The following TLR10 variants were observed in gnomAD, a reference collection of about 807,000 sequenced individuals.
TLR10 encodes toll like receptor 10.
For missense variants in TLR10, 929 were observed against 932.9 expected, an observed-to-expected ratio of 1.00 and a Z score of 0.05; for synonymous variants, 288 against 338.8, an observed-to-expected ratio of 0.85 and a Z score of 1.65.
intron 1 of TLR10, among the ~76,000 whole-genome samples, chr4:38,776,688 T>C (rs1269918887): frequency 6.6e-6 from 1 of 152,194 alleles, no homozygotes; most frequent in Non-Finnish European, 1.5e-5. Context: ...TTATTCAAGA[T>C]ATTTATTAAG....
rs748442953 is a variant in TLR10, at chr4:38,773,941, T to A, written c.1650A>T (p.Ser550=). Residue 550 remains serine (S), a synonymous_variant, in exon 4 of 4, where the codon TCA becomes TCT. Coordinates refer to ENST00000308973, the MANE Select transcript of TLR10 (RefSeq NM_030956.4). The stretch of plus-strand genomic sequence containing the variant: ...GGTTTAAAGGGTATTCACAGGTGTA[T>A]GAATCTGACCATCCAACCATCATGA... ...SEVMMVGWSD[S]YTCEYPLNLR... 18 of 1,581,362 alleles carry A rather than the reference T, an allele frequency of 1.1e-5. 1 individual carries two copies. In the South Asian group the frequency reaches 2.0e-4, roughly 17 times the overall value.
chr4:38,775,303 CT>C lies in TLR10; in HGVS notation c.287del (p.Lys96ArgfsTer3). On this transcript the variant is annotated frameshift_variant, in exon 4 of 4. Coordinates refer to ENST00000308973, the MANE Select transcript of TLR10 (RefSeq NM_030956.4). LOFTEE classifies it low-confidence loss of function (END_TRUNC). ...QLDLKTFEFN[K>X]ELRYLDLSNN... ...TAGACAAATCTAAATATCTTAACTC[CT>C]TGTTGAATTCAAAGGTTTTGAGATC... The C allele has an allele frequency of 3.7e-6, 6 of 1,614,074 alleles. No individual in the cohort carries two copies. In the South Asian group the frequency reaches 6.6e-5, roughly 18 times the overall value.
At chr4:38,780,259 C>T (rs764499511) in intron 1 of TLR10, among the ~76,000 whole-genome samples, 14 of 152,104 alleles carry the variant, frequency 9.2e-5, no homozygotes, top group Non-Finnish European at 1.8e-4. Flanking sequence ...AAAAAATTAG[C>T]TGAGCGTGGT....
chr4:38,778,429 A>AATATAAAT (rs1553900916), intron 1 of TLR10, among the ~76,000 whole-genome samples: 65 of 149,132 alleles, frequency 4.4e-4, no homozygotes, highest in African/African-American at 1.6e-3. Context: ...CTTACAGTAT[A>AATATAAAT]AAATAAATAA....
chr4:38,779,520 T>C (rs1725267463), intron 1 of TLR10, among the ~76,000 whole-genome samples: 1 of 152,230 alleles, frequency 6.6e-6, no homozygotes, highest in Middle Eastern at 3.2e-3. Flanking sequence ...ATATTCTATT[T>C]AATTAACTTA....
intron 1 of TLR10, among the ~76,000 whole-genome samples, chr4:38,777,889 G>A (rs11466633): frequency 0.095 from 14,505 of 152,204 alleles, 1,189 homozygotes; most frequent in African/African-American, 0.2. Context: ...AAGACAATGT[G>A]GCGATTCCTC....
At position 38,774,934 on chromosome 4, in the gene TLR10, C is replaced by T. The variant is rs1464124750; in HGVS notation, c.657G>A (p.Met219Ile). ...DGIKTSKILE[M>I]TNIDGKSQFV... Reference sequence around the variant, plus strand: ...ATTGGCTTTTGCCATCTATATTTGTCATTTCTAATATTTTTGAAGTCTTGA... The same window carrying T: ...ATTGGCTTTTGCCATCTATATTTGTTATTTCTAATATTTTTGAAGTCTTGA... Residue 219 changes from methionine to isoleucine, a missense_variant, in exon 4 of 4, where the codon ATG becomes ATA. Transcript: ENST00000308973. 2.5e-6 allele frequency: 4 copies of T among 1,612,292 alleles called. No individual in the cohort carries two copies. In the African/African-American group the frequency reaches 4.0e-5, roughly 16 times the overall value.
In TLR10 at chr4:38,775,412, A is replaced by G. The variant is rs1170419492; in HGVS notation, c.179T>C (p.Leu60Pro). ...AAAATCTGAACTCTGGAGTTGAAAA[A>G]GGAGGTTATAGGATAAATCCAGTGT... is the stretch of plus-strand genomic sequence containing the variant. ...TTTLDLSYNL[L>P]FQLQSSDFHS... Residue 60 changes from leucine (L) to proline (P), a missense_variant, in exon 4 of 4, where the codon CTT becomes CCT. Leu to Pro is a moderately conservative substitution (Grantham distance 98, BLOSUM62 -3). Transcript: ENST00000308973. 2.5e-6 allele frequency: 4 copies of G among 1,614,152 alleles called. No homozygotes were observed. The highest frequency in any genetic ancestry group is 1.3e-5 in the African/African-American group (1 of 75,046).
chr4:38,775,039 G>C lies in TLR10; in HGVS notation c.552C>G (p.Ser184Arg), dbSNP rs1008137503. The C allele has an allele frequency of 6.2e-7, 1 of 1,612,362 alleles. No homozygotes were observed. The highest frequency in any genetic ancestry group is 8.5e-7 in the Non-Finnish European group (1 of 1,179,564). ...GTTTTGTTGTGTTTAAGATGGGCAGGCTACCTTCTTCATAATGAGGAAGAG... is the reference window on the plus strand; with the variant it reads ...GTTTTGTTGTGTTTAAGATGGGCAGCCTACCTTCTTCATAATGAGGAAGAG... Reference protein sequence around the residue: ...FRTLPHYEEGSLPILNTTKLH... With the variant: ...FRTLPHYEEGRLPILNTTKLH... Residue 184 changes from serine to arginine, a missense_variant, in exon 4 of 4, where the codon AGC (serine) becomes AGG (arginine). Coordinates refer to ENST00000308973, the MANE Select transcript of TLR10 (RefSeq NM_030956.4).
At position 38,773,209 on chromosome 4, in the gene TLR10, T is replaced by C. The variant is rs575180759; in HGVS notation, c.2382A>G (p.Leu794=). ...TTGTAGAACCTCGAGACTCTTCATT[T>C]AACTCTGTGAATGTCTGCAGTTCAT... ...EMYELQTFTE[L]NEESRGSTIS... Residue 794 remains leucine (L), a synonymous_variant, in exon 4 of 4, where the codon TTA becomes TTG. Coordinates refer to ENST00000308973, the MANE Select transcript of TLR10 (RefSeq NM_030956.4). 3.9e-5 allele frequency: 61 copies of C among 1,573,642 alleles called. No homozygotes were observed. The highest frequency in any genetic ancestry group is 4.9e-5 in the Non-Finnish European group (57 of 1,164,360).
At position 38,773,058 on chromosome 4, in the gene TLR10, A is replaced by T; in HGVS notation, c.*97T>A. ...GATATGAAGGGAATAACCATTTTTTATTTTAATAAATATTGTCAAATTGCC... is the reference window on the plus strand; with the variant it reads ...GATATGAAGGGAATAACCATTTTTTTTTTTAATAAATATTGTCAAATTGCC... On this transcript the variant is annotated 3_prime_UTR_variant, in exon 4 of 4. Transcript: ENST00000308973. 8.3e-7 allele frequency: 1 copy of T among 1,205,170 alleles called. No individual in the cohort carries two copies. 74.7% of individuals were successfully genotyped at this position (1,205,170 alleles called of 1,614,324 possible).
At chr4:38,780,562 A>G (rs1725342171) in intron 1 of TLR10, among the ~76,000 whole-genome samples, 1 of 152,222 alleles carries the variant, frequency 6.6e-6, no homozygotes, top group Non-Finnish European at 1.5e-5. Flanking sequence ...GTGAAGAGGC[A>G]TAAGACAATG....
chr4:38,780,261 G>A (rs1725315059), intron 1 of TLR10, among the ~76,000 whole-genome samples: 1 of 152,014 alleles, frequency 6.6e-6, no homozygotes, highest in Non-Finnish European at 1.5e-5. Flanking sequence ...AAAATTAGCT[G>A]AGCGTGGTGG....
rs1725061482 is a variant in TLR10 at position 38,776,406 on chromosome 4, T to TCAAGACC, written c.-549_-548insGGTCTTG. ...TAACTTCTTGTTGAATTCAAAGGTC[T>TCAAGACC]TGATATTCAGCTGCTGAATTCTGTT... is the stretch of plus-strand genomic sequence containing the variant. On this transcript the variant is annotated 5_prime_UTR_variant, in exon 2 of 4. Transcript: ENST00000308973. 6.3e-6 allele frequency: 1 copy of TCAAGACC among 159,360 alleles called. No individual in the cohort carries two copies. The allele number at this position is 159,360 out of a possible 1,614,324, so 9.9% of individuals were successfully genotyped here. A position where few individuals can be genotyped will look rare whatever the true frequency, so the allele number is the denominator to read the frequency against.
At position 38,772,487 on chromosome 4, in the gene TLR10, GT is replaced by G. The variant is rs1210563342; in HGVS notation, c.*667del. The G allele has an allele frequency of 4.6e-5, 7 of 151,720 alleles. No homozygotes were observed. The highest frequency in any genetic ancestry group is 9.7e-5 in the African/African-American group (4 of 41,268). The allele number at this position is 151,720 out of a possible 1,614,324, so 9.4% of individuals were successfully genotyped here. ...CTAATAGTTTATAACATATTAATAT[GT>G]TTTTTCCATACCAGGAAATATACAG... On this transcript the variant is annotated 3_prime_UTR_variant, in exon 4 of 4. Transcript: ENST00000308973.
At chr4:38,775,676 G>C in intron 3 of TLR10, 24 bp from the exon 4 acceptor site, 1 of 1,285,234 alleles carries the variant, frequency 7.8e-7, no homozygotes, top group Non-Finnish European at 1.0e-6. Context: ...TATAATATTA[G>C]ATTTTTATTT....
rs995954159 is a variant in TLR10 at position 38,772,354 on chromosome 4, C to G, written c.*801G>C. ...ATAGAAATCAAATGCTCCCTGTAAT[C>G]CAACCTCCCAGACCCAAACCACTGT... On this transcript the variant is annotated 3_prime_UTR_variant, in exon 4 of 4. Transcript: ENST00000308973. 6.6e-6 allele frequency: 1 copy of G among 152,112 alleles called. No homozygotes were observed. The highest frequency in any genetic ancestry group is 1.5e-5 in the Non-Finnish European group (1 of 68,024). The allele number at this position is 152,112 out of a possible 1,614,324, so 9.4% of individuals were successfully genotyped here.
In TLR10 at chr4:38,776,309, T is replaced by C; in HGVS notation, c.-451A>G. 1 of 212,638 alleles carries C rather than the reference T, an allele frequency of 4.7e-6. No homozygotes were observed. The highest frequency in any genetic ancestry group is 1.0e-5 in the Non-Finnish European group (1 of 99,420). The allele number at this position is 212,638 out of a possible 1,614,324, so 13.2% of individuals were successfully genotyped here. A position where few individuals can be genotyped will look rare whatever the true frequency, so the allele number is the denominator to read the frequency against. Reference sequence around the variant, plus strand: ...GGTGTTAGTCATTAAAAGAAAGATCTAAATGTCTGAAACCTGCCAGTGAAT... The same window carrying C: ...GGTGTTAGTCATTAAAAGAAAGATCCAAATGTCTGAAACCTGCCAGTGAAT... On this transcript the variant is annotated 5_prime_UTR_variant, in exon 2 of 4. Transcript: ENST00000308973.
intron 1 of TLR10, among the ~76,000 whole-genome samples, chr4:38,780,249 A>C (rs1347866816): frequency 6.6e-6 from 1 of 151,886 alleles, no homozygotes; most frequent in Non-Finnish European, 1.5e-5. Context: ...AAAAAAATAC[A>C]AAAAATTAGC....
Sources: gnomAD v4.1 joint callset for allele counts (sites outside exome capture counted in the v4.1 genomes callset) on GRCh38, gnomAD v4.1.1 for gene constraint, MANE v1.5 for transcripts, NCBI Gene and HGNC (gene_info 2026-07-23, HGNC 2026-07-21) for gene names.